Variants in RTN1 observed in about 807,000 individuals in gnomAD.
RTN1 encodes the protein reticulon 1.
A neutral mutation model predicts 65.5 loss-of-function variants in RTN1; 25 were observed. That is an observed-to-expected ratio of 0.38 (90% CI 0.28 to 0.53). The LOEUF (loss-of-function observed/expected upper bound fraction) is 0.53, where lower values mean the gene tolerates loss of function less well. RTN1 is among the 20% of genes least tolerant of loss of function. The probability of loss-of-function intolerance (pLI) is 0.79; values close to 1 mark genes in which losing one functional copy is unlikely to be tolerated. For missense variants in RTN1, 983 were observed against 1,025.4 expected (o/e 0.96, Z 0.57); for synonymous variants, 471 against 447.6 (o/e 1.05, Z -0.66).
chr14:59,749,288 C>CTA lies in RTN1; in HGVS notation c.242-2809_242-2808dup, dbSNP rs1286292400. ...TATCTATATATATATCTATATATAT[C>CTA]TATATATATCTATATATATCTATAT... On this transcript the variant is annotated intron_variant, in intron 1 of 8. Coordinates refer to ENST00000267484, the MANE Select transcript of RTN1 (RefSeq NM_021136.3). Among the ~76,000 whole-genome samples, 6 of 24,182 alleles carry CTA rather than the reference C, an allele frequency of 2.5e-4. 2 individuals carry two copies. The highest frequency in any genetic ancestry group is 9.4e-4 in the African/African-American group (3 of 3,182). 15.9% of individuals were successfully genotyped at this position (24,182 alleles called of 152,430 possible).
chr14:59,791,710 C>T (rs1232178763), intron 1 of RTN1, among the ~76,000 whole-genome samples: 1 of 152,194 alleles, frequency 6.6e-6, no homozygotes, highest in African/African-American at 2.4e-5. Context: ...ACCTCCATCA[C>T]TCACTCTACT....
chr14:59,703,595 A>G (rs1481418083), intron 3 of RTN1, among the ~76,000 whole-genome samples: 1 of 152,164 alleles, frequency 6.6e-6, no homozygotes, highest in South Asian at 2.1e-4. Flanking sequence ...AGCTTCAGGT[A>G]TTTCTTTGTA....
At position 59,791,330 on chromosome 14, in the gene RTN1, T is replaced by C. The variant is rs186106773; in HGVS notation, c.242-44849A>G. ...TATTATCTGACACCTCTTCATCTTC[T>C]TATATGTTCAGTCTGACAGTTGAGA... On this transcript the variant is annotated intron_variant, in intron 1 of 8. Transcript: ENST00000267484. 1.8e-3 allele frequency among the ~76,000 whole-genome samples: 281 copies of C among 152,308 alleles called. 1 individual carries two copies. The highest frequency in any genetic ancestry group is 6.2e-3 in the African/African-American group (257 of 41,570).
intron 3 of RTN1, among the ~76,000 whole-genome samples, chr14:59,609,785 T>A (rs1346550797): frequency 6.6e-6 from 1 of 152,202 alleles, no homozygotes; most frequent in African/African-American, 2.4e-5. Flanking sequence ...CTCTTACACA[T>A]CTGTTTTCAT....
chr14:59,694,421 G>A (rs1468881629), intron 3 of RTN1, among the ~76,000 whole-genome samples: 4 of 152,142 alleles, frequency 2.6e-5, no homozygotes, highest in Admixed American at 1.3e-4. Flanking sequence ...GTAAGTGTGT[G>A]TATGCACTTA....
At chr14:59,733,533 G>C (rs1434336303) in intron 2 of RTN1, among the ~76,000 whole-genome samples, 4 of 152,020 alleles carry the variant, frequency 2.6e-5, no homozygotes, top group Non-Finnish European at 4.4e-5. Context: ...TCAGAGGAGG[G>C]GAGGGCTCCC....
intron 1 of RTN1, among the ~76,000 whole-genome samples, chr14:59,775,051 T>G (rs541630888): frequency 6.6e-6 from 1 of 152,164 alleles, no homozygotes; most frequent in African/African-American, 2.4e-5. Context: ...GATGTAGTTG[T>G]CCAGCTAGGG....
intron 3 of RTN1, among the ~76,000 whole-genome samples, chr14:59,637,651 G>T (rs187687151): frequency 0.02 from 2,944 of 149,840 alleles, 98 homozygotes; most frequent in African/African-American, 0.069. Context: ...GGCAGAGGTT[G>T]CAGTGAGCCA....
intron 1 of RTN1, among the ~76,000 whole-genome samples, chr14:59,815,039 C>T (rs970720519): frequency 1.3e-5 from 2 of 152,198 alleles, no homozygotes; most frequent in African/African-American, 2.4e-5. Context: ...GACTCACAGT[C>T]TTGTGCATTA....
chr14:59,835,875 A>G (rs950884924), intron 1 of RTN1, among the ~76,000 whole-genome samples: 1 of 152,242 alleles, frequency 6.6e-6, no homozygotes, highest in Non-Finnish European at 1.5e-5. Context: ...AAAATAACAC[A>G]CATTTATTAT....
At chr14:59,602,998 A>T in intron 8 of RTN1, 67 bp downstream of exon 8, 1 of 1,281,646 alleles carries the variant, frequency 7.8e-7, no homozygotes, top group Non-Finnish European at 1.1e-6. Flanking sequence ...CATTACCCCT[A>T]TCCTAATCCA....
chr14:59,772,590 G>T (rs978765413), intron 1 of RTN1, among the ~76,000 whole-genome samples: 2 of 151,606 alleles, frequency 1.3e-5, no homozygotes, highest in African/African-American at 4.8e-5. Context: ...GCTCCTGGCT[G>T]ATTCCTTAGC....
At chr14:59,699,782 T>C (rs1884141643) in intron 3 of RTN1, among the ~76,000 whole-genome samples, 2 of 152,184 alleles carry the variant, frequency 1.3e-5, no homozygotes, top group Non-Finnish European at 2.9e-5. Flanking sequence ...AGTTTGAACC[T>C]AGGTCTCACT....
intron 3 of RTN1, among the ~76,000 whole-genome samples, chr14:59,610,695 C>A (rs1483420972): frequency 6.6e-6 from 1 of 152,232 alleles, no homozygotes; most frequent in African/African-American, 2.4e-5. Flanking sequence ...TTTCCCAAAG[C>A]ACACCTCCTT....
intron 1 of RTN1, among the ~76,000 whole-genome samples, chr14:59,867,253 G>A (rs964390901): frequency 3.9e-5 from 6 of 152,074 alleles, no homozygotes; most frequent in African/African-American, 1.4e-4. Flanking sequence ...ATAGTTTCCA[G>A]TAATAAAATA....
In RTN1 at chr14:59,596,650, G is replaced by A; in HGVS notation, c.*95C>T. 2 of 949,642 alleles carry A rather than the reference G, an allele frequency of 2.1e-6. No individual in the cohort carries two copies. The highest frequency in any genetic ancestry group is 2.4e-5 in the East Asian group (1 of 41,370). The allele number at this position is 949,642 out of a possible 1,614,324, so 58.8% of individuals were successfully genotyped here. ...CTAAGATTATGGTACTGGAGGGAGG[G>A]GGGAAAGACAATCAATTTGCAGTAA... On this transcript the variant is annotated 3_prime_UTR_variant, in exon 9 of 9. Coordinates refer to ENST00000267484, the MANE Select transcript of RTN1 (RefSeq NM_021136.3).
At chr14:59,847,170 T>C (rs190527884) in intron 1 of RTN1, among the ~76,000 whole-genome samples, 1 of 152,206 alleles carries the variant, frequency 6.6e-6, no homozygotes, top group African/African-American at 2.4e-5. Context: ...TGTACATACT[T>C]CTATCGTATT....
At chr14:59,630,501 C>T (rs753003216) in intron 3 of RTN1, 3 of 1,613,850 alleles carry the variant, frequency 1.9e-6, no homozygotes, top group East Asian at 2.2e-5. Flanking sequence ...CGGCAGTGGC[C>T]TGCATCGTGC....
Position 59,790,311 on chromosome 14 carries a change from T to C in RTN1, c.242-43830A>G, listed in dbSNP as rs1886325826. 6.6e-6 allele frequency among the ~76,000 whole-genome samples: 1 copy of C among 151,946 alleles called. No individual in the cohort carries two copies. The highest frequency in any genetic ancestry group is 1.5e-5 in the Non-Finnish European group (1 of 67,946). On this transcript the variant is annotated intron_variant, in intron 1 of 8. Transcript: ENST00000267484. The surrounding 1 kb of genome is among the most constrained non-coding windows in gnomAD (Gnocchi z 4.1). ...CACACACACACCTCTAGGAAAAAAG[T>C]AGTGGGAAATATGGCAACACATTGA...
Sources: allele counts gnomAD v4.1 joint callset (sites outside exome capture counted in the v4.1 genomes callset), GRCh38; gene constraint gnomAD v4.1.1; non-coding constraint Gnocchi (gnomAD v3.1); transcripts MANE v1.5; gene names NCBI Gene and HGNC (gene_info 2026-07-23, HGNC 2026-07-21).